Variants in DNAAF9 observed in about 807,000 individuals in gnomAD.
The protein encoded by DNAAF9 is shulin.
In DNAAF9, 90 loss-of-function variants were observed where a neutral mutation model predicts 167.0. The ratio of observed to expected loss-of-function variants is 0.54; its 90% CI spans 0.45 to 0.64. The LOEUF is 0.64. Among genes scored for constraint, DNAAF9 ranks in the 30% least tolerant of loss-of-function variants. DNAAF9 has a pLI of 0.00. For missense variants in DNAAF9, 1,315 were observed against 1,442.2 expected (o/e 0.91, Z 1.43); for synonymous variants, 491 against 508.8 (o/e 0.96, Z 0.47).
intron 1 of DNAAF9, among the ~76,000 whole-genome samples, chr20:3,390,675 T>C (rs1351043299): frequency 6.6e-6 from 1 of 152,192 alleles, no homozygotes; most frequent in Non-Finnish European, 1.5e-5. Flanking sequence ...TCTCACATTT[T>C]ATGTATGGTT....
chr20:3,350,323 A>T (rs1372281247), intron 7 of DNAAF9, among the ~76,000 whole-genome samples: 1 of 152,018 alleles, frequency 6.6e-6, no homozygotes, highest in East Asian at 1.9e-4. Context: ...TACCAAAAAA[A>T]TTCCTTTTAG....
intron 6 of DNAAF9, among the ~76,000 whole-genome samples, chr20:3,373,832 A>G (rs947950267): frequency 1.3e-5 from 2 of 152,182 alleles, no homozygotes; most frequent in Admixed American, 1.3e-4. Flanking sequence ...GAGAGGAAGG[A>G]CGGAGAAGAA....
chr20:3,288,510 A>T (rs2068892026), intron 26 of DNAAF9, among the ~76,000 whole-genome samples: 1 of 152,200 alleles, frequency 6.6e-6, no homozygotes, highest in African/African-American at 2.4e-5. Context: ...CAAAAACACT[A>T]GACACGAGGA....
Position 3,406,427 on chromosome 20 carries a change from A to C in DNAAF9, c.83+1048T>G, listed in dbSNP as rs370434572. Among the ~76,000 whole-genome samples the C allele has an allele frequency of 3.3e-5, 5 of 152,206 alleles. 1 individual carries two copies. In the South Asian group the frequency reaches 8.3e-4, roughly 25 times the overall value. On this transcript the variant is annotated intron_variant, in intron 1 of 36. Transcript: ENST00000252032. ...CAACAACAAAACCCTCTCCTGTTTTAATGACAGTTTAGCAGTACCAAAGCT... is the reference window on the plus strand; with the variant it reads ...CAACAACAAAACCCTCTCCTGTTTTCATGACAGTTTAGCAGTACCAAAGCT...
rs2068878813 is a variant in DNAAF9 at position 3,287,786 on chromosome 20, T to C, written c.2332A>G (p.Met778Val). The C allele has an allele frequency of 1.2e-6, 2 of 1,614,164 alleles. No individual in the cohort carries two copies. The highest frequency in any genetic ancestry group is 1.7e-6 in the Non-Finnish European group (2 of 1,180,000). Residue 778 changes from methionine (M) to valine (V), a missense_variant, in exon 27 of 37, where the codon ATG becomes GTG. Around this residue, in one of 2 missense-constraint regions of DNAAF9, gnomAD observed 981 missense variants for 1,012.5 expected, o/e 0.97. Coordinates refer to ENST00000252032, the MANE Select transcript of DNAAF9 (RefSeq NM_001009984.3). ...CTGTCCATGATTTGGCGATACACCATCCATCTGGAAAGGTAAAAGGTAACC... is the reference window on the plus strand; with the variant it reads ...CTGTCCATGATTTGGCGATACACCACCCATCTGGAAAGGTAAAAGGTAACC... ...VTLHKECGRW[M>V]VYRQIMDSSE...
At chr20:3,387,872 C>T (rs1249175697) in intron 1 of DNAAF9, among the ~76,000 whole-genome samples, 2 of 109,678 alleles carry the variant, frequency 1.8e-5, no homozygotes, top group Non-Finnish European at 3.6e-5. Context: ...GAGACCCTGT[C>T]TCTACAAAAA....
At chr20:3,365,162 A>G (rs1181160586) in intron 6 of DNAAF9, among the ~76,000 whole-genome samples, 1 of 151,792 alleles carries the variant, frequency 6.6e-6, no homozygotes, top group Non-Finnish European at 1.5e-5. Flanking sequence ...TTTTGTAAAG[A>G]TGGGATAATG....
intron 31 of DNAAF9, among the ~76,000 whole-genome samples, chr20:3,262,243 ACATT>A (rs1402956035): frequency 6.7e-6 from 1 of 148,268 alleles, no homozygotes; most frequent in Admixed American, 6.7e-5. Flanking sequence ...GAAAAAGTTC[ACATT>A]CTTTTTTTTT....
intron 3 of DNAAF9, among the ~76,000 whole-genome samples, chr20:3,380,767 C>T (rs984766098): frequency 6.6e-6 from 1 of 152,226 alleles, no homozygotes; most frequent in African/African-American, 2.4e-5. Flanking sequence ...GCATACAAGA[C>T]ATGATTCTAA....
rs781321326 is a variant in DNAAF9, at chr20:3,278,907, C to T, written c.2650+5G>A. 6.3e-7 allele frequency: 1 copy of T among 1,590,558 alleles called. No homozygotes were observed. Among genetic ancestry groups the T allele is most frequent in the South Asian group, 1.1e-5 (1 of 90,586 alleles). ...TGCAGGCTGAAAATAAAGTATATTA[C>T]TTACCTTGTGAACACTGGTCAAGAC... On this transcript the variant is annotated splice_donor_5th_base_variant and intron_variant, in intron 29 of 36. Transcript: ENST00000252032.
At chr20:3,270,675 G>C (rs2068577666) in intron 29 of DNAAF9, 113 bp from the exon 30 acceptor site, 1 of 829,722 alleles carries the variant, frequency 1.2e-6, no homozygotes, top group South Asian at 1.5e-5. Context: ...GTAGTCTCCT[G>C]ATGGAGACAA....
chr20:3,363,374 T>C (rs1280803870), intron 6 of DNAAF9, among the ~76,000 whole-genome samples: 1 of 135,384 alleles, frequency 7.4e-6, no homozygotes, highest in Non-Finnish European at 1.6e-5. Flanking sequence ...TGAGGCAGGA[T>C]AATCACTTGA....
intron 1 of DNAAF9, among the ~76,000 whole-genome samples, chr20:3,401,083 G>C (rs1433494340): frequency 6.6e-6 from 1 of 152,160 alleles, no homozygotes; most frequent in Non-Finnish European, 1.5e-5. Context: ...CCGTAGATCT[G>C]TAAACCCTCC....
rs11087581 is a variant in DNAAF9, at chr20:3,383,271, C to CTTTT, written c.84-769_84-766dup. On this transcript the variant is annotated intron_variant, in intron 1 of 36. Coordinates refer to ENST00000252032, the MANE Select transcript of DNAAF9 (RefSeq NM_001009984.3). Reference sequence around the variant, plus strand: ...TGCCTCTAATACTCATTCCCTAACACTTTTTTTTTTTTTTTTTTTTGAGAT... The same window carrying CTTTT: ...TGCCTCTAATACTCATTCCCTAACACTTTTTTTTTTTTTTTTTTTTTTTTGAGAT... Among the ~76,000 whole-genome samples, 1,031 of 114,336 alleles carry CTTTT rather than the reference C, an allele frequency of 9.0e-3. 35 individuals are homozygous for CTTTT. Among genetic ancestry groups the CTTTT allele is most frequent in the African/African-American group, 0.034 (980 of 29,002 alleles). 75.0% of individuals were successfully genotyped at this position (114,336 alleles called of 152,430 possible).
chr20:3,318,500 A>G lies in DNAAF9; in HGVS notation c.1357-100T>C, dbSNP rs191466535. ...CAAATACTGCCTAAAGGAACATGGC[A>G]AAAGAGTACTGAAGAGTTTCTAGGG... On this transcript the variant is annotated intron_variant, in intron 16 of 36. Coordinates refer to ENST00000252032, the MANE Select transcript of DNAAF9 (RefSeq NM_001009984.3). 8.1e-4 allele frequency: 539 copies of G among 662,440 alleles called. 1 individual carries two copies. In the African/African-American group the frequency reaches 8.2e-3, roughly 10 times the overall value. 41.0% of individuals were successfully genotyped at this position (662,440 alleles called of 1,614,324 possible). A position where few individuals can be genotyped will look rare whatever the true frequency, so the allele number is the denominator to read the frequency against.
chr20:3,254,813 C>T (rs960391294), intron 35 of DNAAF9, among the ~76,000 whole-genome samples: 1 of 152,200 alleles, frequency 6.6e-6, no homozygotes, highest in Admixed American at 6.5e-5. Context: ...AAGGGGGTCT[C>T]TCAATCAGCC....
intron 7 of DNAAF9, among the ~76,000 whole-genome samples, chr20:3,357,158 T>C (rs899620900): frequency 1.3e-5 from 2 of 152,204 alleles, no homozygotes; most frequent in African/African-American, 2.4e-5. Context: ...TACTCTGATA[T>C]GTAGTGTTTT....
At chr20:3,376,132 T>C in intron 4 of DNAAF9, 46 bp downstream of exon 4, 1 of 1,559,792 alleles carries the variant, frequency 6.4e-7, no homozygotes, top group Non-Finnish European at 8.7e-7. Context: ...CCTTAAAGAG[T>C]ATTCTTAGAG....
At chr20:3,328,326 C>T (rs1190967132) in intron 12 of DNAAF9, among the ~76,000 whole-genome samples, 1 of 152,004 alleles carries the variant, frequency 6.6e-6, no homozygotes, top group Non-Finnish European at 1.5e-5. Flanking sequence ...TGATTACAGG[C>T]GCCTGCCACC....
Sources: allele counts gnomAD v4.1 joint callset (sites outside exome capture counted in the v4.1 genomes callset), GRCh38; gene constraint gnomAD v4.1.1; regional missense constraint gnomAD v4.1.1; transcripts MANE v1.5; gene names NCBI Gene and HGNC (gene_info 2026-07-23, HGNC 2026-07-21).